The following DEF8 variants were observed in gnomAD, a reference collection of about 807,000 sequenced individuals.
The protein encoded by DEF8 is differentially expressed in FDCP 8 homolog.
DEF8 carries 38 observed loss-of-function variants against 59.1 expected under a neutral mutation model. The ratio of observed to expected loss-of-function variants is 0.64; its 90% CI spans 0.50 to 0.84. DEF8 has a LOEUF of 0.84. Among genes scored for constraint, DEF8 ranks in the 40% least tolerant of loss-of-function variants. The pLI, the probability that DEF8 is intolerant of heterozygous loss-of-function variation, is 0.00. For missense variants in DEF8, 557 were observed against 615.2 expected (o/e 0.91, Z 1.00); for synonymous variants, 265 against 250.1 (o/e 1.06, Z -0.56).
intron 2 of DEF8, among the ~76,000 whole-genome samples, chr16:89,950,581 G>C (rs1284577662): frequency 1.3e-5 from 2 of 152,052 alleles, no homozygotes; most frequent in Non-Finnish European, 2.9e-5. Flanking sequence ...GTACAGACGG[G>C]GTTTCACCAT....
Position 89,954,395 on chromosome 16 carries a change from C to G in DEF8, c.124+19C>G. 1 of 1,611,584 alleles carries G rather than the reference C, an allele frequency of 6.2e-7. No individual in the cohort carries two copies. The highest frequency in any genetic ancestry group is 8.5e-7 in the Non-Finnish European group (1 of 1,178,772). On this transcript the variant is annotated intron_variant, in intron 3 of 12. Coordinates refer to ENST00000563594, the MANE Select transcript of DEF8 (RefSeq NM_001242818.2). The surrounding 1 kb of genome is among the most constrained non-coding windows in gnomAD (Gnocchi z 4.3). ...CCTGAAGGTGGGTGCTGGTGGGAGT[C>G]AGGGTGGGAGCTGGGCAGGTCTCTG... is the stretch of plus-strand genomic sequence containing the variant.
chr16:89,955,342 C>T (rs911450688), intron 4 of DEF8, 76 bp downstream of exon 4: 1 of 1,267,998 alleles, frequency 7.9e-7, no homozygotes, highest in Non-Finnish European at 1.1e-6. Flanking sequence ...TTCCTTGTCA[C>T]TCCCTCCCAG....
At chr16:89,950,476 C>T (rs1283160637) in intron 2 of DEF8, 1 of 383,746 alleles carries the variant, frequency 2.6e-6, no homozygotes, top group Non-Finnish European at 3.6e-6. Context: ...GCAACCTCCA[C>T]CTCCCGTGTT....
chr16:89,961,173 C>T (rs1024334660), intron 7 of DEF8, 78 bp downstream of exon 7: 44 of 1,537,168 alleles, frequency 2.9e-5, no homozygotes, highest in African/African-American at 4.1e-5. Flanking sequence ...TGTAAGGGCA[C>T]GTAAGTCAGA....
chr16:89,949,029 C>G lies in DEF8; in HGVS notation c.-108+215C>G, dbSNP rs537102833. Among the ~76,000 whole-genome samples, 39 of 47,886 alleles carry G rather than the reference C, an allele frequency of 8.1e-4. 5 individuals carry two copies. The highest frequency in any genetic ancestry group is 4.6e-3 in the African/African-American group (35 of 7,608). The allele number at this position is 47,886 out of a possible 152,430, so 31.4% of individuals were successfully genotyped here. A position where few individuals can be genotyped will look rare whatever the true frequency, so the allele number is the denominator to read the frequency against. ...TCGGGGCTGGGAGGGACGGGGCCGG[C>G]GGGGACGGGGTCGGCGGGGTCGGGG... On this transcript the variant is annotated intron_variant, in intron 1 of 12. Coordinates refer to ENST00000563594, the MANE Select transcript of DEF8 (RefSeq NM_001242818.2).
At chr16:89,957,450 G>C in intron 4 of DEF8, 61 bp from the exon 5 acceptor site, 1 of 1,522,750 alleles carries the variant, frequency 6.6e-7, no homozygotes, top group Non-Finnish European at 8.9e-7. Flanking sequence ...CGGCGGATGG[G>C]CCTTAACAGG....
intron 6 of DEF8, chr16:89,959,375 C>T: frequency 7.0e-7 from 1 of 1,422,966 alleles, no homozygotes; most frequent in Non-Finnish European, 9.2e-7. Context: ...CATGGTGTGT[C>T]TAGTTTGTAC....
At chr16:89,951,999 T>G (rs1159362201) in intron 2 of DEF8, among the ~76,000 whole-genome samples, 2 of 152,062 alleles carry the variant, frequency 1.3e-5, no homozygotes. Flanking sequence ...TGCCTCAGCC[T>G]CCCGAGTAGC....
At chr16:89,958,439 G>C (rs538420547) in intron 5 of DEF8, 5 of 158,850 alleles carry the variant, frequency 3.1e-5, no homozygotes, top group Admixed American at 2.4e-4. Context: ...GCAGTCCTTG[G>C]GTCTGTGTGT....
chr16:89,964,543 TGTGTGCGCCGACTGC>T lies in DEF8; in HGVS notation c.1222_1236del (p.Val408_Cys412del). ...TGTTCCCGTTCGACAGCCACACGTC[TGTGTGCGCCGACTGC>T]TCCGCGGTCTTCCACAGGTGGGTGT... On this transcript the variant is annotated inframe_deletion, in exon 12 of 13. Transcript: ENST00000563594. 6.3e-7 allele frequency: 1 copy of T among 1,588,998 alleles called. No homozygotes were observed. Among genetic ancestry groups the T allele is most frequent in the South Asian group, 1.1e-5 (1 of 87,308 alleles).
chr16:89,961,691 G>A (rs1323145074), intron 7 of DEF8, 46 bp from the exon 8 acceptor site: 2 of 1,607,944 alleles, frequency 1.2e-6, no homozygotes, highest in Non-Finnish European at 1.7e-6. Flanking sequence ...AAGCTGTGTG[G>A]GGTTTTTGTG....
intron 8 of DEF8, 66 bp downstream of exon 8, chr16:89,961,930 G>T: frequency 2.5e-6 from 4 of 1,601,572 alleles, no homozygotes; most frequent in Non-Finnish European, 2.6e-6. Flanking sequence ...GGGGTGTGGA[G>T]CCGGTGTACC....
At position 89,954,538 on chromosome 16, in the gene DEF8, T is replaced by A. The variant is rs2032789660; in HGVS notation, c.124+162T>A. 6.6e-6 allele frequency among the ~76,000 whole-genome samples: 1 copy of A among 152,178 alleles called. No homozygotes were observed. Among genetic ancestry groups the A allele is most frequent in the South Asian group, 2.1e-4 (1 of 4,830 alleles). ...CCCATCTCTTCTGTGGTCGTGTGGT[T>A]TGTTTCTGTGTCCCCACTAGAATTC... On this transcript the variant is annotated intron_variant, in intron 3 of 12. Transcript: ENST00000563594. This position sits in a 1 kb window ranked among gnomAD's most constrained non-coding sequence, Gnocchi z 4.3.
chr16:89,952,098 C>T lies in DEF8; in HGVS notation c.-10-2145C>T, dbSNP rs527705773. On this transcript the variant is annotated intron_variant, in intron 2 of 12. Transcript: ENST00000563594. ...TTCAATGTGTTAGCCAGGATGGTTT[C>T]GATCTCCTGACCTGGTGATCCGCCC... Among the ~76,000 whole-genome samples, 7 of 152,188 alleles carry T rather than the reference C, an allele frequency of 4.6e-5. No individual in the cohort carries two copies. The South Asian group carries it at 8.3e-4, about 18-fold the overall frequency.
At chr16:89,951,938 T>C (rs1257749495) in intron 2 of DEF8, among the ~76,000 whole-genome samples, 1 of 152,032 alleles carries the variant, frequency 6.6e-6, no homozygotes, top group South Asian at 2.1e-4. Flanking sequence ...AGTGCAGTGG[T>C]GCGTTCTCGG....
Position 89,949,516 on chromosome 16 carries a change from A to G in DEF8, c.-11+3A>G. 3 of 1,613,116 alleles carry G rather than the reference A, an allele frequency of 1.9e-6. No homozygotes were observed. The highest frequency in any genetic ancestry group is 1.1e-5 in the South Asian group (1 of 91,078). On this transcript the variant is annotated splice_donor_region_variant and intron_variant, in intron 2 of 12. Transcript: ENST00000563594. ...CTGGGCCCTGGCAGGCGATGCAGGT[A>G]TGGGCAGACAGGACGCTGTTGACTC...
At chr16:89,957,323 C>A in intron 4 of DEF8, 188 bp from the exon 5 acceptor site, 1 of 576,804 alleles carries the variant, frequency 1.7e-6, no homozygotes, top group Admixed American at 3.4e-5. Context: ...GCACGCAGCA[C>A]CGGGTGGACC....
At position 89,949,100 on chromosome 16, in the gene DEF8, C is replaced by T. The variant is rs865886695; in HGVS notation, c.-108+286C>T. ...GGGGACGGGGCCGGCGGGGACGGGG[C>T]CGGCGAGGTCGGGGCCGGCGGGGAC... is the stretch of plus-strand genomic sequence containing the variant. On this transcript the variant is annotated intron_variant, in intron 1 of 12. Coordinates refer to ENST00000563594, the MANE Select transcript of DEF8 (RefSeq NM_001242818.2). 1.2e-3 allele frequency among the ~76,000 whole-genome samples: 149 copies of T among 121,354 alleles called. 1 individual carries two copies. The highest frequency in any genetic ancestry group is 3.2e-3 in the African/African-American group (108 of 33,524). The allele number at this position is 121,354 out of a possible 152,430, so 79.6% of individuals were successfully genotyped here. A position where few individuals can be genotyped will look rare whatever the true frequency, so the allele number is the denominator to read the frequency against.
At chr16:89,953,698 G>A (rs1002851519) in intron 2 of DEF8, among the ~76,000 whole-genome samples, 1 of 152,206 alleles carries the variant, frequency 6.6e-6, no homozygotes, top group African/African-American at 2.4e-5. Context: ...GCAGGAATGG[G>A]CCCTGGAACT....
Sources: allele counts gnomAD v4.1 joint callset (sites outside exome capture counted in the v4.1 genomes callset), GRCh38; gene constraint gnomAD v4.1.1; non-coding constraint Gnocchi (gnomAD v3.1); transcripts MANE v1.5; gene names NCBI Gene and HGNC (gene_info 2026-07-23, HGNC 2026-07-21).